Variants in LYPD6B observed in about 807,000 individuals in gnomAD.
LYPD6B encodes the protein ly6/PLAUR domain-containing protein 6B.
Under a neutral mutation model 22.8 loss-of-function variants are expected in LYPD6B, and 17 were observed. The observed-to-expected ratio is 0.75, with a 90% CI of 0.51 to 1.12. LYPD6B has a LOEUF of 1.12. Among genes scored for constraint, LYPD6B ranks in the 50% most tolerant of loss-of-function variants. The pLI, the probability that LYPD6B is intolerant of heterozygous loss-of-function variation, is 0.00. For missense variants in LYPD6B, 221 were observed against 258.3 expected, an observed-to-expected ratio of 0.86 and a Z score of 0.99; for synonymous variants, 106 against 91.6, an observed-to-expected ratio of 1.16 and a Z score of -0.90.
intron 3 of LYPD6B, among the ~76,000 whole-genome samples, chr2:149,182,502 A>T (rs755247371): frequency 1.3e-5 from 2 of 152,242 alleles, no homozygotes; most frequent in Non-Finnish European, 2.9e-5. Flanking sequence ...CAAGATTGAA[A>T]TTCTAAGGAT....
intron 5 of LYPD6B, among the ~76,000 whole-genome samples, chr2:149,212,120 G>A (rs554505647): frequency 2.0e-4 from 30 of 152,004 alleles, no homozygotes; most frequent in African/African-American, 6.8e-4. Flanking sequence ...GCTCACGCCT[G>A]TAATCCCAGC....
chr2:149,089,753 T>G (rs1685563638), intron 1 of LYPD6B, among the ~76,000 whole-genome samples: 1 of 152,212 alleles, frequency 6.6e-6, no homozygotes, highest in South Asian at 2.1e-4. Flanking sequence ...TGCTGTGCAG[T>G]CTTGTTCATC....
intron 1 of LYPD6B, among the ~76,000 whole-genome samples, chr2:149,082,072 A>T (rs1685160988): frequency 6.6e-6 from 1 of 152,160 alleles, no homozygotes; most frequent in Non-Finnish European, 1.5e-5. Context: ...TGCTGCTCTC[A>T]CAGATTCAAA....
intron 1 of LYPD6B, among the ~76,000 whole-genome samples, chr2:149,051,769 G>A (rs541697659): frequency 2.6e-5 from 4 of 151,944 alleles, no homozygotes; most frequent in Non-Finnish European, 4.4e-5. Context: ...GGGTTTAAGC[G>A]ATTCTCCTAC....
At chr2:149,139,112 T>G (rs1374437705) in intron 2 of LYPD6B, among the ~76,000 whole-genome samples, 1 of 152,182 alleles carries the variant, frequency 6.6e-6, no homozygotes, top group Admixed American at 6.5e-5. Context: ...AGTCCTGAAC[T>G]CAAGGCCACA....
rs1690015254 is a variant in LYPD6B at position 149,160,855 on chromosome 2, C to A, written c.77+20C>A. 2.0e-6 allele frequency: 3 copies of A among 1,523,790 alleles called. No homozygotes were observed. The highest frequency in any genetic ancestry group is 2.4e-5 in the East Asian group (1 of 40,842). 94.4% of individuals were successfully genotyped at this position (1,523,790 alleles called of 1,614,324 possible). ...CTCAAGGTAAGAATGGCAGCTGTTA[C>A]AACAGCCCTCGGCTTTTCATTTGGG... On this transcript the variant is annotated intron_variant, in intron 3 of 6. Coordinates refer to ENST00000409642, the MANE Select transcript of LYPD6B (RefSeq NM_177964.5).
intron 1 of LYPD6B, among the ~76,000 whole-genome samples, chr2:149,105,914 A>T (rs1338292337): frequency 6.6e-6 from 1 of 152,140 alleles, no homozygotes; most frequent in Admixed American, 6.6e-5. Context: ...ATAGTATATT[A>T]ACTGTAGGTT....
chr2:149,173,203 G>A (rs1459043594), intron 3 of LYPD6B, among the ~76,000 whole-genome samples: 1 of 151,420 alleles, frequency 6.6e-6, no homozygotes, highest in South Asian at 2.1e-4. Flanking sequence ...AAAAGACATG[G>A]TGTTTGTAAT....
At chr2:149,078,165 G>A (rs553867689) in intron 1 of LYPD6B, among the ~76,000 whole-genome samples, 3 of 152,308 alleles carry the variant, frequency 2.0e-5, no homozygotes, top group Admixed American at 2.0e-4. Context: ...CTGAATGACT[G>A]AGGGAATCCC....
intron 1 of LYPD6B, among the ~76,000 whole-genome samples, chr2:149,056,663 C>T (rs996714125): frequency 5.9e-5 from 9 of 152,148 alleles, no homozygotes; most frequent in Non-Finnish European, 1.0e-4. Flanking sequence ...CATGCATGCA[C>T]ACACATACAT....
chr2:149,151,439 T>C (rs1336616686), intron 2 of LYPD6B, among the ~76,000 whole-genome samples: 1 of 152,164 alleles, frequency 6.6e-6, no homozygotes, highest in Admixed American at 6.5e-5. Context: ...CAGAGAACTC[T>C]CCAGTTAAAT....
intron 1 of LYPD6B, among the ~76,000 whole-genome samples, chr2:149,053,097 CCAG>C (rs1683638061): frequency 6.6e-6 from 1 of 152,044 alleles, no homozygotes; most frequent in African/African-American, 2.4e-5. Flanking sequence ...CATGTGTCTA[CCAG>C]CTAGTGTTGG....
chr2:149,098,346 C>T (rs1030981069), intron 1 of LYPD6B, among the ~76,000 whole-genome samples: 6 of 151,756 alleles, frequency 4.0e-5, no homozygotes, highest in Admixed American at 2.6e-4. Context: ...GGCTTTGGGC[C>T]GAGTGTGGTA....
intron 3 of LYPD6B, among the ~76,000 whole-genome samples, chr2:149,185,657 T>C (rs541839394): frequency 6.6e-6 from 1 of 152,324 alleles, no homozygotes; most frequent in Non-Finnish European, 1.5e-5. Flanking sequence ...CCTTGTTTTA[T>C]TGCATTTGGC....
chr2:149,039,720 G>A (rs1682984144), intron 1 of LYPD6B, among the ~76,000 whole-genome samples: 1 of 152,118 alleles, frequency 6.6e-6, no homozygotes, highest in South Asian at 2.1e-4. Flanking sequence ...GTGGGGTGGG[G>A]GCATTCTTTC....
At chr2:149,179,755 C>T (rs1333931668) in intron 3 of LYPD6B, among the ~76,000 whole-genome samples, 3 of 152,208 alleles carry the variant, frequency 2.0e-5, no homozygotes, top group African/African-American at 2.4e-5. Flanking sequence ...GCCCTGCCAG[C>T]GGAAAGCTTA....
intron 2 of LYPD6B, among the ~76,000 whole-genome samples, chr2:149,154,610 A>G (rs1689580511): frequency 6.6e-6 from 1 of 151,558 alleles, no homozygotes; most frequent in Non-Finnish European, 1.5e-5. Flanking sequence ...TATGTGATCC[A>G]CTGAAAAGAT....
intron 5 of LYPD6B, among the ~76,000 whole-genome samples, chr2:149,210,783 G>A (rs1693798789): frequency 6.6e-6 from 1 of 152,218 alleles, no homozygotes; most frequent in Non-Finnish European, 1.5e-5. Flanking sequence ...TTTGTTTAGA[G>A]TGGAAATTGA....
chr2:149,146,528 A>G (rs141986928), intron 2 of LYPD6B, among the ~76,000 whole-genome samples: 131 of 152,312 alleles, frequency 8.6e-4, no homozygotes, highest in African/African-American at 3.0e-3. Flanking sequence ...GCTGTGTGAA[A>G]GGAGTTTGCA....
Sources: gnomAD v4.1 joint callset for allele counts (sites outside exome capture counted in the v4.1 genomes callset) on GRCh38, gnomAD v4.1.1 for gene constraint, MANE v1.5 for transcripts, NCBI Gene and HGNC (gene_info 2026-07-23, HGNC 2026-07-21) for gene names.